Variants in WEE1 observed in about 807,000 individuals in gnomAD.
WEE1 encodes WEE1 G2 checkpoint kinase, also known as wee1-like protein kinase.
In WEE1, 16 loss-of-function variants were observed where a neutral mutation model predicts 68.8. That is an observed-to-expected ratio of 0.23 (90% CI 0.16 to 0.35). The LOEUF is 0.35. WEE1 is among the 10% of genes least tolerant of loss of function. WEE1 has a pLI of 1.00. For synonymous variants in WEE1, 349 were observed against 318.7 expected, an observed-to-expected ratio of 1.09 and a Z score of -1.01; for missense variants, 651 against 824.1, an observed-to-expected ratio of 0.79 and a Z score of 2.57.
chr11:9,574,260 G>C lies in WEE1; in HGVS notation c.327G>C (p.Ala109=). Residue 109 remains alanine (A), a synonymous_variant, in exon 1 of 11, where the codon GCG becomes GCC. Transcript: ENST00000450114. This position sits in a 1 kb window ranked among gnomAD's most constrained non-coding sequence, Gnocchi z 4.9. ...GCGCGGACGAGGCGGGCGGTGGGGC[G>C]GAGGGCGACTCGTGGGAGGAGGAGG... ...CPGADEAGGG[A]EGDSWEEEGF... is the part of the protein sequence containing the mutation. 2 of 1,217,324 alleles carry C rather than the reference G, an allele frequency of 1.6e-6. No individual in the cohort carries two copies. Among genetic ancestry groups the C allele is most frequent in the Non-Finnish European group, 2.0e-6 (2 of 976,886 alleles). 75.4% of individuals were successfully genotyped at this position (1,217,324 alleles called of 1,614,324 possible).
At chr11:9,578,903 ATT>A in intron 5 of WEE1, 1 of 149,828 alleles carries the variant, frequency 6.7e-6, no homozygotes, top group African/African-American at 2.5e-5. Context: ...TTATTTATTT[ATT>A]TATTTATTTA....
Position 9,573,902 on chromosome 11 carries a change from C to G in WEE1, c.-32C>G, listed in dbSNP as rs1285263506. ...GTCCTGGACCCCGCAGGCCTCCGCT[C>G]TCCTGTCCTCGGCCCCGTCCCCAGG... On this transcript the variant is annotated 5_prime_UTR_variant, in exon 1 of 11. Coordinates refer to ENST00000450114, the MANE Select transcript of WEE1 (RefSeq NM_003390.4). 2.4e-6 allele frequency: 3 copies of G among 1,235,730 alleles called. No homozygotes were observed. The highest frequency in any genetic ancestry group is 2.7e-4 in the Middle Eastern group (1 of 3,716). The allele number at this position is 1,235,730 out of a possible 1,614,324, so 76.5% of individuals were successfully genotyped here.
In WEE1 at chr11:9,576,325, A is replaced by G; in HGVS notation, c.846+32A>G. The G allele has an allele frequency of 1.3e-6, 2 of 1,528,972 alleles. No homozygotes were observed. The highest frequency in any genetic ancestry group is 1.8e-6 in the Non-Finnish European group (2 of 1,133,620). The allele number at this position is 1,528,972 out of a possible 1,614,324, so 94.7% of individuals were successfully genotyped here. The stretch of plus-strand genomic sequence containing the variant: ...AGCTTTTTATTTTTATTTTTTTGAA[A>G]TTTACTTTTCTGCCACTTAAAGCAT... On this transcript the variant is annotated intron_variant, in intron 3 of 10. Transcript: ENST00000450114. The surrounding 1 kb of genome is among the most constrained non-coding windows in gnomAD (Gnocchi z 4.3).
chr11:9,588,399 C>A, intron 10 of WEE1, 50 bp from the exon 11 acceptor site: 1 of 1,341,536 alleles, frequency 7.5e-7, no homozygotes. Flanking sequence ...GTGTTAGTTT[C>A]TTAGAATCTC....
Position 9,589,627 on chromosome 11 carries a change from TA to T in WEE1, c.*1027del. 5 of 983,864 alleles carry T rather than the reference TA, an allele frequency of 5.1e-6. No homozygotes were observed. Among genetic ancestry groups the T allele is most frequent in the Non-Finnish European group, 6.0e-6 (5 of 829,396 alleles). The allele number at this position is 983,864 out of a possible 1,614,324, so 60.9% of individuals were successfully genotyped here. A position where few individuals can be genotyped will look rare whatever the true frequency, so the allele number is the denominator to read the frequency against. On this transcript the variant is annotated 3_prime_UTR_variant, in exon 11 of 11. Coordinates refer to ENST00000450114, the MANE Select transcript of WEE1 (RefSeq NM_003390.4). ...TAGCCATTTGACTAATAATACTGGC[TA>T]ACAGATGTTGAAAAAAATTGTCTGT...
intron 5 of WEE1, chr11:9,578,700 C>T (rs1206435448): frequency 6.6e-6 from 1 of 151,934 alleles, no homozygotes; most frequent in Non-Finnish European, 1.5e-5. Flanking sequence ...CATTAGTAGT[C>T]CAGGAATGTC....
chr11:9,584,785 T>C (rs963189133), intron 6 of WEE1, among the ~76,000 whole-genome samples: 13 of 152,096 alleles, frequency 8.5e-5, no homozygotes, highest in Non-Finnish European at 1.6e-4. Context: ...CTGGAAAATA[T>C]ATTCCCAGAG....
In WEE1 at chr11:9,576,506, G is replaced by A; in HGVS notation, c.866G>A (p.Ser289Asn). ...TTACAGAGAATTACAATTACTGAAA[G>A]CAATATGAAGTCCCGGTATACAACA... Reference protein sequence around the residue: ...RPAKRITITESNMKSRYTTEF... With the variant: ...RPAKRITITENNMKSRYTTEF... The change falls in exon 4 of 11, where the codon AGC (serine) becomes AAC (asparagine). Residue 289 changes from serine (S) to asparagine (N), a missense_variant. By Grantham distance (46) the Ser-to-Asn change is conservative. Transcript: ENST00000450114. This position sits in a 1 kb window ranked among gnomAD's most constrained non-coding sequence, Gnocchi z 4.3. 1 of 1,611,018 alleles carries A rather than the reference G, an allele frequency of 6.2e-7. No individual in the cohort carries two copies. The highest frequency in any genetic ancestry group is 8.5e-7 in the Non-Finnish European group (1 of 1,179,202).
chr11:9,574,074 C>G lies in WEE1; in HGVS notation c.141C>G (p.His47Gln). Residue 47 changes from histidine (H) to glutamine (Q), a missense_variant, in exon 1 of 11, where the codon CAC becomes CAG. By Grantham distance (24) the His-to-Gln change is conservative. This residue lies in a region of WEE1 where 395 missense variants were observed against 378.4 expected (regional missense o/e 1.04). Transcript: ENST00000450114. This position sits in a 1 kb window ranked among gnomAD's most constrained non-coding sequence, Gnocchi z 4.9. ...AGGAGGAGGAGGAGGGCAGCGGCCA[C>G]AGCACCGGGGAGGACTCGGCCTTTC... ...EEEEEEEGSGHSTGEDSAFQE... is the reference protein window; with the variant it reads ...EEEEEEEGSGQSTGEDSAFQE... The G allele has an allele frequency of 8.0e-7, 1 of 1,244,610 alleles. No individual in the cohort carries two copies. The highest frequency in any genetic ancestry group is 1.0e-6 in the Non-Finnish European group (1 of 994,214). The allele number at this position is 1,244,610 out of a possible 1,614,324, so 77.1% of individuals were successfully genotyped here. A position where few individuals can be genotyped will look rare whatever the true frequency, so the allele number is the denominator to read the frequency against.
At chr11:9,588,338 A>G (rs1849725324) in intron 10 of WEE1, 111 bp from the exon 11 acceptor site, 2 of 660,154 alleles carry the variant, frequency 3.0e-6, no homozygotes, top group African/African-American at 3.7e-5. Flanking sequence ...TTTCAATTAC[A>G]TCTTAGAATA....
At position 9,574,687 on chromosome 11, in the gene WEE1, A is replaced by G; in HGVS notation, c.576+178A>G. ...TGCCCCGAGGTTGTCCGTTGAGATT[A>G]TGTAACTGAACAATGGGCCTCGTCT... On this transcript the variant is annotated intron_variant, in intron 1 of 10. Transcript: ENST00000450114. The surrounding 1 kb of genome is among the most constrained non-coding windows in gnomAD (Gnocchi z 4.9). The G allele has an allele frequency of 9.2e-7, 1 of 1,090,646 alleles. No individual in the cohort carries two copies. The highest frequency in any genetic ancestry group is 4.5e-5 in the South Asian group (1 of 22,238). 67.6% of individuals were successfully genotyped at this position (1,090,646 alleles called of 1,614,324 possible).
rs1849561994 is a variant in WEE1, at chr11:9,576,081, C to G, written c.770C>G (p.Thr257Arg). The change falls in exon 2 of 11, where the codon ACG (threonine) becomes AGG (arginine). Residue 257 changes from threonine to arginine, a missense_variant. By Grantham distance (71) the Thr-to-Arg change is moderately conservative. This residue lies in a region of WEE1 where 395 missense variants were observed against 378.4 expected (regional missense o/e 1.04). Transcript: ENST00000450114. This position sits in a 1 kb window ranked among gnomAD's most constrained non-coding sequence, Gnocchi z 4.3. ...GGACAGTGTCGTCGTAGAAAGAGAA[C>G]GTATTGGAATGAGTAAGTCGTTTAT... The part of the protein sequence containing the change: ...SSGQCRRRKR[T>R]YWNDSCGEDM... The G allele has an allele frequency of 1.2e-6, 2 of 1,614,070 alleles. No homozygotes were observed. The highest frequency in any genetic ancestry group is 4.5e-5 in the East Asian group (2 of 44,878).
intron 5 of WEE1, chr11:9,578,883 A>T (rs1373535753): frequency 1.0e-4 from 3 of 29,494 alleles, no homozygotes; most frequent in East Asian, 1.7e-3. Flanking sequence ...ATAAGTTTTT[A>T]TTTATTTATT....
At chr11:9,583,796 CACACACATATATATATATATATATATAT>C (rs1382905011) in intron 6 of WEE1, among the ~76,000 whole-genome samples, 4 of 26,052 alleles carry the variant, frequency 1.5e-4, no homozygotes, top group African/African-American at 3.1e-4. Context: ...CACACACACA[CACACACATATATATATATATATATATAT>C]ATATATATAT....
intron 6 of WEE1, among the ~76,000 whole-genome samples, chr11:9,583,759 GCGCACACACACACACA>G (rs1225705001): frequency 8.4e-4 from 35 of 41,612 alleles, no homozygotes; most frequent in East Asian, 3.7e-3. Context: ...GTGCACGCGC[GCGCACACACACACACA>G]CACACACACA....
Position 9,588,578 on chromosome 11 carries a change from C to T in WEE1, c.1917C>T (p.Arg639=). 6.2e-7 allele frequency: 1 copy of T among 1,604,868 alleles called. No homozygotes were observed. ...GACTTATTGGAAAGAAAATGAACCG[C>T]TCTGTCAGCCTTACTATATACTGAG... ...TSRLIGKKMN[R]SVSLTIY Residue 639 remains arginine (R), a synonymous_variant, in exon 11 of 11, where the codon CGC becomes CGT. Transcript: ENST00000450114.
Position 9,576,325 on chromosome 11 carries a change from AT to A in WEE1, c.846+35del. On this transcript the variant is annotated intron_variant, in intron 3 of 10. Transcript: ENST00000450114. This position sits in a 1 kb window ranked among gnomAD's most constrained non-coding sequence, Gnocchi z 4.3. The stretch of plus-strand genomic sequence containing the variant: ...AGCTTTTTATTTTTATTTTTTTGAA[AT>A]TTACTTTTCTGCCACTTAAAGCATG... 6.5e-7 allele frequency: 1 copy of A among 1,528,972 alleles called. No individual in the cohort carries two copies. Among genetic ancestry groups the A allele is most frequent in the East Asian group, 2.5e-5 (1 of 40,758 alleles). 94.7% of individuals were successfully genotyped at this position (1,528,972 alleles called of 1,614,324 possible). A position where few individuals can be genotyped will look rare whatever the true frequency, so the allele number is the denominator to read the frequency against.
chr11:9,581,542 A>G lies in WEE1; in HGVS notation c.1152A>G (p.Leu384=), dbSNP rs776965692. 2 of 1,594,782 alleles carry G rather than the reference A, an allele frequency of 1.3e-6. No homozygotes were observed. The highest frequency in any genetic ancestry group is 8.5e-7 in the Non-Finnish European group (1 of 1,175,532). ...TTCTATCTTTGTTAGGTGGAAGTTT[A>G]GCTGATGCTATAAGTGAAAACTACA... The part of the protein sequence containing the change: ...IQNEYCNGGS[L]ADAISENYRI... The change falls in exon 6 of 11, where the codon TTA becomes TTG. Residue 384 remains leucine, a synonymous_variant. Transcript: ENST00000450114.
intron 6 of WEE1, among the ~76,000 whole-genome samples, chr11:9,584,275 A>G (rs1375401088): frequency 1.3e-5 from 2 of 152,108 alleles, no homozygotes; most frequent in Non-Finnish European, 2.9e-5. Flanking sequence ...AGCTGGGACT[A>G]CAGGCATGCA....
Sources: allele counts gnomAD v4.1 joint callset (sites outside exome capture counted in the v4.1 genomes callset), GRCh38; gene constraint gnomAD v4.1.1; regional missense constraint gnomAD v4.1.1; non-coding constraint Gnocchi (gnomAD v3.1); transcripts MANE v1.5; gene names NCBI Gene and HGNC (gene_info 2026-07-23, HGNC 2026-07-21).